The following ABCA8 variants were observed in gnomAD, a reference collection of about 807,000 sequenced individuals.
ABCA8 encodes ABC-type organic anion transporter ABCA8.
ABCA8 carries 177 observed loss-of-function variants against 192.3 expected under a neutral mutation model. The ratio of observed to expected loss-of-function variants is 0.92; its 90% CI spans 0.81 to 1.04. The LOEUF is 1.04. Ranked by LOEUF, ABCA8 falls within the 50% of genes least tolerant of loss-of-function variation. The pLI is 0.00. For missense variants in ABCA8, 1,915 were observed against 1,904.8 expected (o/e 1.01, Z -0.10); for synonymous variants, 642 against 690.2 (o/e 0.93, Z 1.09).
At chr17:68,932,042 C>G (rs2067903069) in intron 7 of ABCA8, 1 of 322,152 alleles carries the variant, frequency 3.1e-6, no homozygotes, top group East Asian at 5.6e-5. Context: ...AACCCCGTCT[C>G]TACAGAAAAT....
At chr17:68,900,046 GA>G (rs1412636164) in intron 21 of ABCA8, among the ~76,000 whole-genome samples, 1 of 152,080 alleles carries the variant, frequency 6.6e-6, no homozygotes, top group Non-Finnish European at 1.5e-5. Context: ...TTAAGACACT[GA>G]AAAGAGAGGA....
intron 15 of ABCA8, 52 bp downstream of exon 15, chr17:68,918,375 A>G: frequency 6.5e-7 from 1 of 1,534,734 alleles, no homozygotes; most frequent in South Asian, 1.2e-5. Flanking sequence ...ACTATTACCA[A>G]AAGTTCCATT....
intron 16 of ABCA8, 39 bp downstream of exon 16, chr17:68,918,008 A>T (rs1297541705): frequency 6.2e-7 from 1 of 1,608,900 alleles, no homozygotes; most frequent in East Asian, 2.2e-5. Flanking sequence ...AGATCTCTTA[A>T]AGTCCTCCTC....
At chr17:68,923,473 T>A (rs1472105789) in intron 11 of ABCA8, among the ~76,000 whole-genome samples, 1 of 152,168 alleles carries the variant, frequency 6.6e-6, no homozygotes, top group Non-Finnish European at 1.5e-5. Flanking sequence ...GTGTTGGGAT[T>A]GCAGGTGTGA....
chr17:68,940,161 A>C (rs2143757264), intron 4 of ABCA8, among the ~76,000 whole-genome samples: 1 of 152,278 alleles, frequency 6.6e-6, no homozygotes, highest in African/African-American at 2.4e-5. Context: ...GTACTCGTTA[A>C]GTTAACCTTA....
chr17:68,887,334 A>G lies in ABCA8; in HGVS notation c.3315+2T>C, dbSNP rs767511661. On this transcript the variant is annotated splice_donor_variant, in intron 25 of 39. Transcript: ENST00000586539. LOFTEE classifies it high-confidence loss of function. ...GTCACTTACTTGGATATTGTCACTTACTTGAATAATATGAATTATTGTAAG... is the reference window on the plus strand; with the variant it reads ...GTCACTTACTTGGATATTGTCACTTGCTTGAATAATATGAATTATTGTAAG... The G allele has an allele frequency of 5.0e-6, 8 of 1,593,750 alleles. No individual in the cohort carries two copies. The South Asian group carries it at 9.1e-5, about 18-fold the overall frequency.
Position 68,932,089 on chromosome 17 carries a change from A to C in ABCA8, c.797+199T>G, listed in dbSNP as rs2067905285. On this transcript the variant is annotated intron_variant, in intron 7 of 39. Transcript: ENST00000586539. ...TCCAGGCATGGTGGTCGGCACCTGCAGTCCCAGCTACTTGGGAGGCCGAGG... is the reference window on the plus strand; with the variant it reads ...TCCAGGCATGGTGGTCGGCACCTGCCGTCCCAGCTACTTGGGAGGCCGAGG... 11 of 428,244 alleles carry C rather than the reference A, an allele frequency of 2.6e-5. No individual in the cohort carries two copies. The South Asian group carries it at 2.9e-4, about 11-fold the overall frequency. 26.5% of individuals were successfully genotyped at this position (428,244 alleles called of 1,614,324 possible).
chr17:68,897,073 A>G (rs2066783163), intron 21 of ABCA8, among the ~76,000 whole-genome samples: 1 of 152,200 alleles, frequency 6.6e-6, no homozygotes, highest in East Asian at 1.9e-4. Flanking sequence ...GTAATGTTTC[A>G]GATGAGAGGG....
intron 2 of ABCA8, among the ~76,000 whole-genome samples, chr17:68,945,991 A>T (rs1302760403): frequency 6.6e-6 from 1 of 151,824 alleles, no homozygotes; most frequent in Non-Finnish European, 1.5e-5. Flanking sequence ...TTTTTTCAAA[A>T]TTGTCTTGGC....
Position 68,917,954 on chromosome 17 carries a change from C to T in ABCA8, c.2047+93G>A, listed in dbSNP as rs188117055. ...CAATTTACCAGATACAGCTAGATTA[C>T]CGAATTACAAAATATAACTGTTCAG... On this transcript the variant is annotated intron_variant, in intron 16 of 39. Coordinates refer to ENST00000586539, the MANE Select transcript of ABCA8 (RefSeq NM_001288985.2). 54 of 1,459,548 alleles carry T rather than the reference C, an allele frequency of 3.7e-5. 1 individual carries two copies. In the Admixed American group the frequency reaches 8.8e-4, roughly 24 times the overall value. 90.4% of individuals were successfully genotyped at this position (1,459,548 alleles called of 1,614,324 possible).
At chr17:68,872,980 T>TTTA (rs1316080642) in intron 37 of ABCA8, among the ~76,000 whole-genome samples, 2 of 152,200 alleles carry the variant, frequency 1.3e-5, no homozygotes, top group East Asian at 3.8e-4. Context: ...CTAAGGTTAA[T>TTTA]TTATTAAATA....
At chr17:68,920,447 A>C (rs1206153697) in intron 13 of ABCA8, among the ~76,000 whole-genome samples, 2 of 152,136 alleles carry the variant, frequency 1.3e-5, no homozygotes, top group East Asian at 1.9e-4. Flanking sequence ...TGCTTAACAA[A>C]AAAAAAAAGA....
At chr17:68,885,643 G>A (rs1228423513) in intron 26 of ABCA8, among the ~76,000 whole-genome samples, 1 of 151,914 alleles carries the variant, frequency 6.6e-6, no homozygotes, top group Non-Finnish European at 1.5e-5. Flanking sequence ...AAACTCCTGG[G>A]CTCAAGTGAT....
chr17:68,942,147 T>A (rs2068248797), intron 2 of ABCA8, 108 bp from the exon 3 acceptor site: 1 of 766,988 alleles, frequency 1.3e-6, no homozygotes, highest in Admixed American at 2.5e-5. Flanking sequence ...ATGTTCCAAA[T>A]GAGTGCAAAG....
Position 68,927,899 on chromosome 17 carries a change from A to T in ABCA8, c.1273+17T>A, listed in dbSNP as rs761012852. On this transcript the variant is annotated intron_variant, in intron 10 of 39. Coordinates refer to ENST00000586539, the MANE Select transcript of ABCA8 (RefSeq NM_001288985.2). ...ACTATTTAAATGATATATGATTTTA[A>T]TCATATCATTACTCACTTGGCAAAA... 6 of 1,548,068 alleles carry T rather than the reference A, an allele frequency of 3.9e-6. No individual in the cohort carries two copies. Among genetic ancestry groups the T allele is most frequent in the Middle Eastern group, 1.7e-4 (1 of 5,934 alleles).
At chr17:68,909,320 T>C (rs2067175820) in intron 17 of ABCA8, among the ~76,000 whole-genome samples, 1 of 152,178 alleles carries the variant, frequency 6.6e-6, no homozygotes, top group African/African-American at 2.4e-5. Flanking sequence ...TGTTGTAACA[T>C]GGAGACAGCC....
chr17:68,902,069 A>T (rs1432391684), intron 21 of ABCA8, among the ~76,000 whole-genome samples: 2 of 152,252 alleles, frequency 1.3e-5, no homozygotes, highest in Non-Finnish European at 2.9e-5. Flanking sequence ...AATGATAAAT[A>T]AATTGTGGTA....
chr17:68,945,081 G>A (rs558878037), intron 2 of ABCA8, among the ~76,000 whole-genome samples: 1 of 152,278 alleles, frequency 6.6e-6, no homozygotes, highest in African/African-American at 2.4e-5. Context: ...TGGGGGAAGG[G>A]TAAGATAATG....
At chr17:68,952,748 G>C (rs922520606) in intron 1 of ABCA8, among the ~76,000 whole-genome samples, 2 of 152,122 alleles carry the variant, frequency 1.3e-5, no homozygotes, top group Non-Finnish European at 2.9e-5. Context: ...CTTACAGAGA[G>C]TGGCATTATA....
Sources: allele counts gnomAD v4.1 joint callset (sites outside exome capture counted in the v4.1 genomes callset), GRCh38; gene constraint gnomAD v4.1.1; transcripts MANE v1.5; gene names NCBI Gene and HGNC (gene_info 2026-07-23, HGNC 2026-07-21).